ACER1: variants seen among roughly 807,000 people sequenced by gnomAD.
ACER1 encodes the protein alkaline ceramidase 1.
A neutral mutation model predicts 24.9 loss-of-function variants in ACER1; 28 were observed. That is an observed-to-expected ratio of 1.13 (90% CI 0.83 to 1.54). The LOEUF (loss-of-function observed/expected upper bound fraction) is 1.54, where lower values mean the gene tolerates loss of function less well. Ranked by LOEUF, ACER1 falls within the 40% of genes most tolerant of loss-of-function variation. The pLI is 0.00. For missense variants in ACER1, 352 were observed against 349.3 expected (o/e 1.01, Z -0.06); for synonymous variants, 132 against 131.4 (o/e 1.00, Z -0.03).
chr19:6,350,061 T>C, the ACER1 span, among the ~76,000 whole-genome samples: 2 of 151,672 alleles, frequency 1.3e-5, no homozygotes, highest in East Asian at 3.9e-4. Context: ...AGTCCAGGAG[T>C]TTGAGGCTGC....
intron 1 of ACER1, among the ~76,000 whole-genome samples, chr19:6,319,066 T>C (rs1182243147): frequency 6.6e-6 from 1 of 151,886 alleles, no homozygotes; most frequent in East Asian, 2.0e-4. Flanking sequence ...CAGGATGTGG[T>C]ATGAGCTCAA....
At chr19:6,336,628 G>A (rs1276581726), upstream of ACER1, among the ~76,000 whole-genome samples, 2 of 151,788 alleles carry the variant, frequency 1.3e-5, no homozygotes, top group African/African-American at 4.8e-5. Context: ...AGACCATCCT[G>A]GTTAACATGG....
the ACER1 span, chr19:6,360,200 G>C: frequency 6.6e-6 from 1 of 152,060 alleles, no homozygotes; most frequent in African/African-American, 2.4e-5. Flanking sequence ...CTGATCTCCA[G>C]GAAGAATCCA....
At chr19:6,325,597 G>A (rs1280671255) in intron 1 of ACER1, among the ~76,000 whole-genome samples, 1 of 152,224 alleles carries the variant, frequency 6.6e-6, no homozygotes, top group Non-Finnish European at 1.5e-5. Flanking sequence ...AGGTTGCAGT[G>A]AGCCAAGATC....
At chr19:6,352,530 A>T in the ACER1 span, among the ~76,000 whole-genome samples, 7 of 152,214 alleles carry the variant, frequency 4.6e-5, no homozygotes, top group Non-Finnish European at 8.8e-5. Flanking sequence ...ATTATGAGAA[A>T]TGATAAGCTG....
upstream of ACER1, among the ~76,000 whole-genome samples, chr19:6,336,648 G>A (rs1038455754): frequency 1.3e-5 from 2 of 151,814 alleles, no homozygotes; most frequent in Non-Finnish European, 2.9e-5. Flanking sequence ...GTGAAACCCC[G>A]TCTCTACTAA....
intron 1 of ACER1, among the ~76,000 whole-genome samples, chr19:6,316,819 C>CAA (rs1167612498): frequency 1.1e-4 from 9 of 84,822 alleles, no homozygotes; most frequent in African/African-American, 2.0e-4. Flanking sequence ...GACTCCCTCT[C>CAA]AAAAAAAAAA....
At chr19:6,330,452 G>A (rs2091681740) in intron 1 of ACER1, among the ~76,000 whole-genome samples, 1 of 150,346 alleles carries the variant, frequency 6.7e-6, no homozygotes, top group Non-Finnish European at 1.5e-5. Flanking sequence ...ACAGGCATAA[G>A]CCAGTGGTGC....
intron 3 of ACER1, among the ~76,000 whole-genome samples, chr19:6,310,641 G>A (rs2091574704): frequency 6.6e-6 from 1 of 151,932 alleles, no homozygotes; most frequent in Admixed American, 6.6e-5. Context: ...CAATTTGGGA[G>A]GCTGAGGTGG....
rs779837446 is a variant in ACER1, at chr19:6,333,448, C to A, written c.93+11G>T. ...ATCTGGCGAGACTCCTTCACACACC[C>A]ACGCACTCACCGTGTTGTAGAACTC... On this transcript the variant is annotated intron_variant, in intron 1 of 5. Coordinates refer to ENST00000301452, the MANE Select transcript of ACER1 (RefSeq NM_133492.3). 12 of 1,577,576 alleles carry A rather than the reference C, an allele frequency of 7.6e-6. No homozygotes were observed. The African/African-American group carries it at 1.5e-4, about 19-fold the overall frequency.
the ACER1 span, among the ~76,000 whole-genome samples, chr19:6,355,780 C>T: frequency 2.0e-5 from 3 of 146,816 alleles, no homozygotes; most frequent in South Asian, 4.3e-4. Context: ...GGCCAGCCGC[C>T]CCGTCCGGGA....
At chr19:6,358,506 T>C in the ACER1 span, among the ~76,000 whole-genome samples, 2 of 151,780 alleles carry the variant, frequency 1.3e-5, no homozygotes, top group Non-Finnish European at 2.9e-5. Context: ...AAGAGTCCAG[T>C]GTCCCAGCTA....
chr19:6,334,951 AATT>A (rs911550564), upstream of ACER1, among the ~76,000 whole-genome samples: 1 of 148,914 alleles, frequency 6.7e-6, no homozygotes, highest in African/African-American at 2.5e-5. Context: ...GAATAATAAT[AATT>A]ATTATTATTA....
chr19:6,349,070 A>G, the ACER1 span, among the ~76,000 whole-genome samples: 1 of 151,362 alleles, frequency 6.6e-6, no homozygotes, highest in Admixed American at 6.6e-5. Flanking sequence ...AAGAAGGAGA[A>G]GAAGAAGGAG....
In ACER1 at chr19:6,312,779, G is replaced by A. The variant is rs192632003; in HGVS notation, c.94-280C>T. Among the ~76,000 whole-genome samples, 165 of 151,406 alleles carry A rather than the reference G, an allele frequency of 1.1e-3. 1 individual carries two copies. Among genetic ancestry groups the A allele is most frequent in the African/African-American group, 3.2e-3 (133 of 41,268 alleles). ...CAACCTCCACCTCCCAGGTTCGAGCGATTCTCCTGTCTCAGACTCCCGAGT... is the reference window on the plus strand; with the variant it reads ...CAACCTCCACCTCCCAGGTTCGAGCAATTCTCCTGTCTCAGACTCCCGAGT... On this transcript the variant is annotated intron_variant, in intron 1 of 5. Coordinates refer to ENST00000301452, the MANE Select transcript of ACER1 (RefSeq NM_133492.3).
chr19:6,326,392 T>A (rs958521300), intron 1 of ACER1, among the ~76,000 whole-genome samples: 1 of 151,686 alleles, frequency 6.6e-6, no homozygotes, highest in Non-Finnish European at 1.5e-5. Context: ...TCCCAAGGTG[T>A]TGGGATTACA....
chr19:6,338,025 C>T (rs1037426187), upstream of ACER1, among the ~76,000 whole-genome samples: 5 of 149,852 alleles, frequency 3.3e-5, no homozygotes, highest in African/African-American at 1.3e-4. Flanking sequence ...CAGTGGCTTA[C>T]ACCTCTAATT....
chr19:6,312,666 C>A (rs994524208), intron 1 of ACER1, among the ~76,000 whole-genome samples, 167 bp from the exon 2 acceptor site: 19 of 147,840 alleles, frequency 1.3e-4, no homozygotes, highest in Admixed American at 5.4e-4. Flanking sequence ...TTCAGCCGAC[C>A]CTTTTTTTTT....
chr19:6,328,954 T>G (rs1460095453), intron 1 of ACER1, among the ~76,000 whole-genome samples: 1 of 151,842 alleles, frequency 6.6e-6, no homozygotes, highest in African/African-American at 2.4e-5. Flanking sequence ...GGATTACATG[T>G]GTGAGCCACT....
Sources: gnomAD v4.1 joint callset for allele counts (sites outside exome capture counted in the v4.1 genomes callset) on GRCh38, gnomAD v4.1.1 for gene constraint, MANE v1.5 for transcripts, NCBI Gene and HGNC (gene_info 2026-07-23, HGNC 2026-07-21) for gene names.